CCSER1: variants seen among roughly 807,000 people sequenced by gnomAD.
CCSER1 encodes the protein serine-rich coiled-coil domain-containing protein 1.
CCSER1 carries 41 observed loss-of-function variants against 82.0 expected under a neutral mutation model. The ratio of observed to expected loss-of-function variants is 0.50; its 90% confidence interval spans 0.39 to 0.65. The LOEUF (loss-of-function observed/expected upper bound fraction) is 0.65, where lower values mean the gene tolerates loss of function less well. Among genes scored for constraint, CCSER1 ranks in the 30% least tolerant of loss-of-function variants. The pLI, the probability that CCSER1 is intolerant of heterozygous loss-of-function variation, is 0.00. For synonymous variants in CCSER1, 414 were observed against 383.9 expected (o/e 1.08, Z -0.92); for missense variants, 1,119 against 1,064.2 (o/e 1.05, Z -0.72).
At chr4:90,444,763 T>C (rs1760391453) in intron 4 of CCSER1, among the ~76,000 whole-genome samples, 3 of 152,176 alleles carry the variant, frequency 2.0e-5, no homozygotes, top group South Asian at 4.1e-4. Flanking sequence ...TCATGTTTTA[T>C]GTACATATAG....
intron 10 of CCSER1, among the ~76,000 whole-genome samples, chr4:91,530,571 T>C (rs2110166565): frequency 6.6e-6 from 1 of 152,230 alleles, no homozygotes; most frequent in South Asian, 2.1e-4. Flanking sequence ...CACAAGCTGA[T>C]TGTTAAACAT....
intron 3 of CCSER1, among the ~76,000 whole-genome samples, chr4:90,346,665 G>T (rs528580109): frequency 2.0e-5 from 3 of 152,116 alleles, no homozygotes; most frequent in African/African-American, 7.2e-5. Flanking sequence ...GAAAAAATGT[G>T]TGCCTGTGTA....
intron 10 of CCSER1, among the ~76,000 whole-genome samples, chr4:91,421,564 T>A (rs1753684369): frequency 6.6e-6 from 1 of 152,104 alleles, no homozygotes; most frequent in Admixed American, 6.5e-5. Flanking sequence ...CAAATGCTAA[T>A]CTCTTCCAGA....
intron 10 of CCSER1, among the ~76,000 whole-genome samples, chr4:91,585,366 T>C (rs531002835): frequency 6.6e-6 from 1 of 151,572 alleles, no homozygotes; most frequent in African/African-American, 2.4e-5. Context: ...TTTTCACTCA[T>C]CTTCAACAAA....
At chr4:91,000,793 C>A (rs910943186) in intron 9 of CCSER1, among the ~76,000 whole-genome samples, 1 of 152,248 alleles carries the variant, frequency 6.6e-6, no homozygotes, top group South Asian at 2.1e-4. Flanking sequence ...TGAAACTCTG[C>A]TGAAGTTGTT....
intron 10 of CCSER1, among the ~76,000 whole-genome samples, chr4:91,231,048 C>G (rs1244779738): frequency 6.6e-6 from 1 of 151,716 alleles, no homozygotes; most frequent in Non-Finnish European, 1.5e-5. Context: ...TGGAAAAATT[C>G]TGGCAATATC....
At chr4:90,541,796 G>A (rs930551127) in intron 5 of CCSER1, among the ~76,000 whole-genome samples, 4 of 151,810 alleles carry the variant, frequency 2.6e-5, no homozygotes, top group African/African-American at 7.3e-5. Context: ...TTCAAAACTG[G>A]CACTTTTATT....
chr4:91,263,286 T>G (rs547631310), intron 10 of CCSER1, among the ~76,000 whole-genome samples: 1 of 152,138 alleles, frequency 6.6e-6, no homozygotes, highest in East Asian at 1.9e-4. Context: ...GAGAATAAAG[T>G]GCTTACGTTT....
chr4:90,586,846 G>A (rs542630444), intron 5 of CCSER1, among the ~76,000 whole-genome samples: 2 of 152,282 alleles, frequency 1.3e-5, no homozygotes, highest in South Asian at 2.1e-4. Flanking sequence ...TGCTGTAGTA[G>A]GCAGAATAAT....
intron 1 of CCSER1, among the ~76,000 whole-genome samples, chr4:90,257,552 GATAGATAGATACATAGATAC>G (rs1326269203): frequency 6.7e-4 from 101 of 150,588 alleles, no homozygotes; most frequent in African/African-American, 2.4e-3. Context: ...TAGATAGATA[GATAGATAGATACATAGATAC>G]ATAGATACAT....
chr4:90,838,016 C>T (rs1476662125), intron 8 of CCSER1, among the ~76,000 whole-genome samples: 1 of 150,768 alleles, frequency 6.6e-6, no homozygotes, highest in African/African-American at 2.5e-5. Flanking sequence ...CACATAGTAG[C>T]TATTCTGTAC....
At chr4:90,932,982 G>GAAAGAAAGAAAGAA (rs771267852) in intron 9 of CCSER1, among the ~76,000 whole-genome samples, 1 of 18,870 alleles carries the variant, frequency 5.3e-5, no homozygotes, top group South Asian at 1.6e-3. Context: ...AAGAAAGAAA[G>GAAAGAAAGAAAGAA]AGAAAGAAAG....
intron 10 of CCSER1, among the ~76,000 whole-genome samples, chr4:91,434,912 T>A (rs1420565818): frequency 1.3e-5 from 2 of 152,236 alleles, no homozygotes; most frequent in Non-Finnish European, 2.9e-5. Context: ...TTCTTTACTT[T>A]TTAGTTTGAA....
chr4:90,751,577 G>C (rs1748673706), intron 7 of CCSER1, among the ~76,000 whole-genome samples: 1 of 152,084 alleles, frequency 6.6e-6, no homozygotes, highest in Non-Finnish European at 1.5e-5. Flanking sequence ...ATTAATTGTA[G>C]TTAATAGGAT....
chr4:91,579,281 A>G (rs1763612206), intron 10 of CCSER1, among the ~76,000 whole-genome samples: 1 of 151,626 alleles, frequency 6.6e-6, no homozygotes, highest in Admixed American at 6.6e-5. Flanking sequence ...TGTTTGTTGT[A>G]TGGACCAATT....
chr4:90,247,910 AC>A (rs1560873654), intron 1 of CCSER1, among the ~76,000 whole-genome samples: 1 of 152,004 alleles, frequency 6.6e-6, no homozygotes, highest in African/African-American at 2.4e-5. Context: ...CAATTTCCCA[AC>A]CTGTAGTGAA....
chr4:90,641,613 T>A (rs991594438), intron 6 of CCSER1, among the ~76,000 whole-genome samples: 3 of 152,120 alleles, frequency 2.0e-5, no homozygotes, highest in African/African-American at 7.2e-5. Context: ...CCTGTAAAAA[T>A]GGCAGAAATA....
At chr4:90,924,150 T>C (rs1728760229) in intron 9 of CCSER1, among the ~76,000 whole-genome samples, 2 of 152,192 alleles carry the variant, frequency 1.3e-5, no homozygotes, top group South Asian at 4.1e-4. Context: ...ATTAATTTGA[T>C]CTTGTAGCTA....
In CCSER1 at chr4:90,502,959, G is replaced by T. The variant is rs75999037; in HGVS notation, c.1724+34605G>T. ...TGACTTAACCACAGATGCACAAGAT[G>T]ACTTCGGAGAGATGCCAAGCATCTA... On this transcript the variant is annotated intron_variant, in intron 5 of 10. Coordinates refer to ENST00000509176, the MANE Select transcript of CCSER1 (RefSeq NM_001145065.2). Among the ~76,000 whole-genome samples, 197 of 152,206 alleles carry T rather than the reference G, an allele frequency of 1.3e-3. 3 individuals are homozygous for T. The East Asian group carries it at 0.037, about 29-fold the overall frequency.
Sources: gnomAD v4.1 joint callset for allele counts (sites outside exome capture counted in the v4.1 genomes callset) on GRCh38, gnomAD v4.1.1 for gene constraint, MANE v1.5 for transcripts, NCBI Gene and HGNC (gene_info 2026-07-23, HGNC 2026-07-21) for gene names.